Variants in SEC31A observed in about 807,000 individuals in gnomAD.
SEC31A encodes the protein SEC31 homolog A, COPII component, also known as protein transport protein Sec31A.
SEC31A carries 70 observed loss-of-function variants against 151.0 expected under a neutral mutation model. The ratio of observed to expected loss-of-function variants is 0.46; its 90% CI spans 0.38 to 0.57. The LOEUF (loss-of-function observed/expected upper bound fraction) is 0.57, where lower values mean the gene tolerates loss of function less well. Ranked by LOEUF, SEC31A falls within the 20% of genes least tolerant of loss-of-function variation. The probability of loss-of-function intolerance (pLI) is 0.00; values close to 1 mark genes in which losing one functional copy is unlikely to be tolerated. For missense variants in SEC31A, 1,330 were observed against 1,471.2 expected (o/e 0.90, Z 1.57); for synonymous variants, 475 against 505.9 (o/e 0.94, Z 0.82).
At chr4:82,826,006 G>A (rs1388413492) in intron 24 of SEC31A, among the ~76,000 whole-genome samples, 1 of 152,212 alleles carries the variant, frequency 6.6e-6, no homozygotes, top group African/African-American at 2.4e-5. Flanking sequence ...TTGGGAGGAA[G>A]AGTATGAATT....
chr4:82,864,567 A>G lies in SEC31A; in HGVS notation c.1229T>C (p.Val410Ala). 6.2e-7 allele frequency: 1 copy of G among 1,614,028 alleles called. No individual in the cohort carries two copies. The highest frequency in any genetic ancestry group is 8.5e-7 in the Non-Finnish European group (1 of 1,179,998). ...FGGKLVTFEN[V>A]RMPSHQGAEQ... Reference sequence around the variant, plus strand: ...AGCTCCCTGATGAGAAGGCATTCTGACATTCTCAAACGTAACCAGTTTGCC... The same window carrying G: ...AGCTCCCTGATGAGAAGGCATTCTGGCATTCTCAAACGTAACCAGTTTGCC... The change falls in exon 11 of 27, where the codon GTC becomes GCC. Residue 410 changes from valine (V) to alanine (A), a missense_variant. Val to Ala is a moderately conservative substitution (Grantham distance 64, BLOSUM62 0). Coordinates refer to ENST00000395310, the MANE Select transcript of SEC31A (RefSeq NM_001077207.4).
In SEC31A at chr4:82,842,231, T is replaced by G. The variant is rs199602169; in HGVS notation, c.2877A>C (p.Gly959=). 2.5e-6 allele frequency: 4 copies of G among 1,613,436 alleles called. No individual in the cohort carries two copies. The East Asian group carries it at 8.9e-5, about 36-fold the overall frequency. ...CATAAGCTGAAGATGATGGTGGAGC[T>G]CCTGGTCCGCCATGCTGGAAGGATG... ...SGASFQHGGP[G]APPSSSAYAL... The change falls in exon 22 of 27, where the codon GGA becomes GGC. Residue 959 remains glycine, a synonymous_variant. Transcript: ENST00000395310.
chr4:82,847,232 T>C (rs1246985423), intron 20 of SEC31A, among the ~76,000 whole-genome samples: 1 of 152,172 alleles, frequency 6.6e-6, no homozygotes, highest in African/African-American at 2.4e-5. Context: ...AAAGCTGCGC[T>C]GGTCAAAGTG....
intron 22 of SEC31A, among the ~76,000 whole-genome samples, chr4:82,836,096 C>T (rs1045877444): frequency 4.6e-5 from 7 of 151,976 alleles, no homozygotes; most frequent in African/African-American, 1.7e-4. Context: ...AAAAATTGGC[C>T]GGGCGCGGTG....
intron 1 of SEC31A, 50 bp downstream of exon 1, chr4:82,891,038 T>G (rs745917287): frequency 2.6e-6 from 4 of 1,535,156 alleles, no homozygotes; most frequent in Non-Finnish European, 3.5e-6. Flanking sequence ...GGGCTCTACC[T>G]CAAAGCTTAA....
chr4:82,853,363 C>CATG (rs1731861225), intron 18 of SEC31A, among the ~76,000 whole-genome samples: 1 of 152,174 alleles, frequency 6.6e-6, no homozygotes, highest in African/African-American at 2.4e-5. Flanking sequence ...AAATCACAAC[C>CATG]ATGATTTTAC....
At chr4:82,893,759 T>C (rs147597126), upstream of SEC31A, 2 of 152,280 alleles carry the variant, frequency 1.3e-5, no homozygotes, top group Admixed American at 1.3e-4. Flanking sequence ...ATAAAAAATA[T>C]AAACTATATT....
At chr4:82,845,385 G>A (rs1729839101) in intron 20 of SEC31A, 8 of 634,862 alleles carry the variant, frequency 1.3e-5, no homozygotes, top group Admixed American at 3.7e-5. Flanking sequence ...ATAGCCAGAT[G>A]CAAAGCCAAA....
rs200156848 is a variant in SEC31A at position 82,876,107 on chromosome 4, C to CT, written c.403-286dup. On this transcript the variant is annotated intron_variant, in intron 4 of 26. Transcript: ENST00000395310. Reference sequence around the variant, plus strand: ...ATTTTAAAAATTATATGGATAAATTCTTTTTTTTTTTTTTTTTTTTGAGAT... The same window carrying CT: ...ATTTTAAAAATTATATGGATAAATTCTTTTTTTTTTTTTTTTTTTTTGAGAT... 2.0e-3 allele frequency among the ~76,000 whole-genome samples: 259 copies of CT among 127,188 alleles called. 2 individuals are homozygous for CT. Among genetic ancestry groups the CT allele is most frequent in the Middle Eastern group, 8.1e-3 (2 of 246 alleles). The allele number at this position is 127,188 out of a possible 152,430, so 83.4% of individuals were successfully genotyped here. A position where few individuals can be genotyped will look rare whatever the true frequency, so the allele number is the denominator to read the frequency against.
intron 19 of SEC31A, 35 bp from the exon 20 acceptor site, chr4:82,849,012 A>C (rs1399302923): frequency 1.9e-6 from 3 of 1,582,410 alleles, no homozygotes; most frequent in African/African-American, 2.7e-5. Flanking sequence ...GACTGTTGAG[A>C]GTTCACCCAG....
chr4:82,833,344 G>A (rs1187179609), intron 22 of SEC31A, among the ~76,000 whole-genome samples: 1 of 152,038 alleles, frequency 6.6e-6, no homozygotes, highest in Non-Finnish European at 1.5e-5. Context: ...TCATAAATGG[G>A]AATTGAAGAA....
chr4:82,844,366 T>A lies in SEC31A; in HGVS notation c.2626+20A>T. 2 of 1,610,890 alleles carry A rather than the reference T, an allele frequency of 1.2e-6. No individual in the cohort carries two copies. The highest frequency in any genetic ancestry group is 8.5e-7 in the Non-Finnish European group (1 of 1,178,884). On this transcript the variant is annotated intron_variant, in intron 21 of 26. Transcript: ENST00000395310. The stretch of plus-strand genomic sequence containing the variant: ...ATCATAAATACTGCTCTGAAAGGAC[T>A]TTGGGGTCACACTACTTACGCTGTG...
chr4:82,893,579 ATTTG>A (rs1430086964), upstream of SEC31A: 11 of 152,198 alleles, frequency 7.2e-5, no homozygotes, highest in Non-Finnish European at 1.3e-4. Context: ...TATTTCACAA[ATTTG>A]TTTAAGGGCT....
intron 24 of SEC31A, 89 bp from the exon 25 acceptor site, chr4:82,824,763 A>G (rs1724155777): frequency 7.2e-7 from 1 of 1,382,654 alleles, no homozygotes. Flanking sequence ...ACAGAAACCG[A>G]CAACCTTGTA....
At chr4:82,897,395 A>G (rs946402014) in intron 3 of SEC31A, among the ~76,000 whole-genome samples, 1 of 152,240 alleles carries the variant, frequency 6.6e-6, no homozygotes. Context: ...AAATTCGGCA[A>G]CACAAAAGGG....
At chr4:82,852,862 G>C (rs544660787) in intron 18 of SEC31A, among the ~76,000 whole-genome samples, 10 of 152,284 alleles carry the variant, frequency 6.6e-5, no homozygotes, top group South Asian at 2.1e-4. Flanking sequence ...AGGCCAGCAG[G>C]GGGGATGGTT....
At chr4:82,828,337 G>T (rs894111162) in intron 23 of SEC31A, among the ~76,000 whole-genome samples, 14 of 152,190 alleles carry the variant, frequency 9.2e-5, no homozygotes, top group African/African-American at 3.4e-4. Context: ...ACATTATTTG[G>T]CAATTCTATC....
At chr4:82,889,887 GTTAA>G (rs1741903552) in intron 1 of SEC31A, among the ~76,000 whole-genome samples, 1 of 152,116 alleles carries the variant, frequency 6.6e-6, no homozygotes, top group African/African-American at 2.4e-5. Flanking sequence ...TCCCTGAGCT[GTTAA>G]TTAAGGGATA....
chr4:82,890,201 C>CAA (rs60372442), intron 1 of SEC31A, among the ~76,000 whole-genome samples: 41 of 74,928 alleles, frequency 5.5e-4, no homozygotes, highest in South Asian at 1.0e-3. Flanking sequence ...GACTCCGTCT[C>CAA]AAAAAAAAAA....
Sources: gnomAD v4.1 joint callset for allele counts (sites outside exome capture counted in the v4.1 genomes callset) on GRCh38, gnomAD v4.1.1 for gene constraint, MANE v1.5 for transcripts, NCBI Gene and HGNC (gene_info 2026-07-23, HGNC 2026-07-21) for gene names.